Variants in MGRN1 observed in about 807,000 individuals in gnomAD.
The protein encoded by MGRN1 is mahogunin ring finger 1.
A neutral mutation model predicts 69.2 loss-of-function variants in MGRN1; 29 were observed. The observed-to-expected ratio is 0.42, with a 90% CI of 0.31 to 0.57. MGRN1 has a LOEUF of 0.57. MGRN1 is among the 20% of genes least tolerant of loss of function. The pLI is 0.15. For synonymous variants in MGRN1, 470 were observed against 344.2 expected (o/e 1.37, Z -4.04); for missense variants, 998 against 796.2 (o/e 1.25, Z -3.05).
chr16:4,689,672 G>A lies in MGRN1; in HGVS notation c.*764G>A, dbSNP rs994468310. On this transcript the variant is annotated 3_prime_UTR_variant, in exon 17 of 17. Coordinates refer to ENST00000262370, the MANE Select transcript of MGRN1 (RefSeq NM_015246.4). Reference sequence around the variant, plus strand: ...GTGACATCACAAGGCCCCTCCAGGTGCAGGGGCTTCTGTTTGGCAGGCCCC... The same window carrying A: ...GTGACATCACAAGGCCCCTCCAGGTACAGGGGCTTCTGTTTGGCAGGCCCC... The A allele has an allele frequency of 6.6e-6, 1 of 152,228 alleles. No individual in the cohort carries two copies. Among genetic ancestry groups the A allele is most frequent in the Non-Finnish European group, 1.5e-5 (1 of 68,060 alleles). 9.4% of individuals were successfully genotyped at this position (152,228 alleles called of 1,614,324 possible). A position where few individuals can be genotyped will look rare whatever the true frequency, so the allele number is the denominator to read the frequency against.
intron 16 of MGRN1, among the ~76,000 whole-genome samples, chr16:4,685,449 G>T (rs2079290038): frequency 6.6e-6 from 1 of 152,246 alleles, no homozygotes; most frequent in Non-Finnish European, 1.5e-5. Context: ...ACAGACGGGG[G>T]CAGGCAGTCG....
chr16:4,628,400 A>G (rs1897809170), intron 1 of MGRN1, among the ~76,000 whole-genome samples: 3 of 151,868 alleles, frequency 2.0e-5, no homozygotes, highest in Admixed American at 6.6e-5. Flanking sequence ...AAAAAAAAAA[A>G]AAAGGAGGGG....
chr16:4,669,953 C>T (rs1184987039), intron 8 of MGRN1, among the ~76,000 whole-genome samples: 1 of 142,988 alleles, frequency 7.0e-6, no homozygotes, highest in Non-Finnish European at 1.6e-5. Context: ...CCACAGCTAA[C>T]AGTTACTCCG....
intron 3 of MGRN1, among the ~76,000 whole-genome samples, chr16:4,652,291 C>T (rs1432765010): frequency 2.0e-5 from 3 of 152,084 alleles, no homozygotes; most frequent in Non-Finnish European, 4.4e-5. Context: ...CTGGAGGCAG[C>T]CAGGTGGGGT....
intron 1 of MGRN1, 172 bp from the exon 2 acceptor site, chr16:4,650,193 C>T (rs967171580): frequency 3.8e-6 from 2 of 529,784 alleles, no homozygotes; most frequent in African/African-American, 3.9e-5. Flanking sequence ...ATCCCAGCTA[C>T]TCGGGAGGCT....
chr16:4,669,591 T>C (rs138299873), intron 8 of MGRN1, among the ~76,000 whole-genome samples: 34 of 152,248 alleles, frequency 2.2e-4, no homozygotes, highest in Non-Finnish European at 4.0e-4. Flanking sequence ...GTTTGAGCCA[T>C]TGTGTCTGGA....
Position 4,677,550 on chromosome 16 carries a change from G to A in MGRN1, c.1043G>A (p.Ser348Asn), listed in dbSNP as rs2079080523. The A allele has an allele frequency of 6.2e-7, 1 of 1,600,166 alleles. No homozygotes were observed. Among genetic ancestry groups the A allele is most frequent in the Non-Finnish European group, 8.5e-7 (1 of 1,179,640 alleles). Residue 348 changes from serine to asparagine, a missense_variant, in exon 11 of 17, where the codon AGC (serine) becomes AAC (asparagine). Transcript: ENST00000262370. ...TCCTTCAGCCCCGTCCTGGCCCAGA[G>A]CCTGGAGCATGATGAGCACTCTGTA... ...PVSFSPVLAQSLEHDEHSCPF... is the reference protein window; with the variant it reads ...PVSFSPVLAQNLEHDEHSCPF...
chr16:4,682,434 G>A (rs996663629), intron 13 of MGRN1, among the ~76,000 whole-genome samples: 5 of 152,216 alleles, frequency 3.3e-5, no homozygotes, highest in Admixed American at 6.5e-5. Context: ...TCAGGAAGGC[G>A]CGGGTTCTGC....
At chr16:4,648,759 C>G (rs1197358848) in intron 1 of MGRN1, among the ~76,000 whole-genome samples, 179 of 101,720 alleles carry the variant, frequency 1.8e-3, no homozygotes, top group African/African-American at 8.3e-3. Flanking sequence ...GGTCACCCGG[C>G]TCCTCCTCCC....
chr16:4,683,962 G>GGC, intron 16 of MGRN1, 30 bp downstream of exon 16: 1 of 678,766 alleles, frequency 1.5e-6, no homozygotes, highest in South Asian at 1.5e-5. Context: ...GGGGTGAGGG[G>GGC]CTGGGTGCCT....
intron 5 of MGRN1, among the ~76,000 whole-genome samples, chr16:4,661,921 C>T: frequency 6.6e-6 from 1 of 152,196 alleles, no homozygotes; most frequent in Admixed American, 6.5e-5. Context: ...CTCTTAGCTC[C>T]AGATGGCAGG....
chr16:4,640,784 T>C (rs1051529627), intron 1 of MGRN1, among the ~76,000 whole-genome samples: 3 of 152,180 alleles, frequency 2.0e-5, no homozygotes, highest in Non-Finnish European at 4.4e-5. Context: ...CACCACTGAC[T>C]CCTGTCCCCG....
At chr16:4,676,781 A>G (rs2079062730) in intron 10 of MGRN1, 1 of 152,390 alleles carries the variant, frequency 6.6e-6, no homozygotes, top group South Asian at 2.1e-4. Context: ...ATGACAGGGC[A>G]TCCTAGGTCC....
intron 11 of MGRN1, 97 bp downstream of exon 11, chr16:4,677,669 T>C: frequency 8.4e-7 from 1 of 1,187,168 alleles, no homozygotes; most frequent in Non-Finnish European, 1.2e-6. Context: ...AGCCCCGTGT[T>C]CTCTTCTGTC....
At chr16:4,671,764 C>G (rs570003269) in intron 9 of MGRN1, among the ~76,000 whole-genome samples, 2 of 152,208 alleles carry the variant, frequency 1.3e-5, no homozygotes, top group South Asian at 4.1e-4. Context: ...CCGGCTCCTG[C>G]CCGCCTCCCC....
intron 1 of MGRN1, among the ~76,000 whole-genome samples, chr16:4,629,649 G>A (rs974839675): frequency 4.0e-5 from 6 of 151,638 alleles, no homozygotes; most frequent in Non-Finnish European, 8.8e-5. Flanking sequence ...TGAGGCAGGA[G>A]AATTGTTTGA....
chr16:4,636,234 C>A (rs1007353579), intron 1 of MGRN1, among the ~76,000 whole-genome samples: 7 of 151,848 alleles, frequency 4.6e-5, no homozygotes, highest in African/African-American at 1.7e-4. Context: ...TTCTGAACAA[C>A]CTGCCTCCCC....
Position 4,677,518 on chromosome 16 carries a change from C to G in MGRN1, c.1011C>G (p.Ser337=). 3 of 1,596,886 alleles carry G rather than the reference C, an allele frequency of 1.9e-6. No individual in the cohort carries two copies. Among genetic ancestry groups the G allele is most frequent in the Non-Finnish European group, 2.5e-6 (3 of 1,177,680 alleles). ...TGCGGAAGAAGCCAGGAGCCCTGTC[C>G]CCCGTGTCCTTCAGCCCCGTCCTGG... ...RAVRKKPGAL[S]PVSFSPVLAQ... The change falls in exon 11 of 17, where the codon TCC becomes TCG. Residue 337 remains serine (S), a synonymous_variant. Transcript: ENST00000262370.
At chr16:4,677,752 C>T (rs953527588) in intron 11 of MGRN1, among the ~76,000 whole-genome samples, 180 bp downstream of exon 11, 4 of 151,464 alleles carry the variant, frequency 2.6e-5, no homozygotes, top group African/African-American at 7.3e-5. Flanking sequence ...CCTGGGGTGC[C>T]GCTGCTGGGA....
Sources: gnomAD v4.1 joint callset for allele counts (sites outside exome capture counted in the v4.1 genomes callset) on GRCh38, gnomAD v4.1.1 for gene constraint, MANE v1.5 for transcripts, NCBI Gene and HGNC (gene_info 2026-07-23, HGNC 2026-07-21) for gene names.